The following GRID2 variants were observed in gnomAD, a reference collection of about 807,000 sequenced individuals.
The protein encoded by GRID2 is glutamate ionotropic receptor delta type subunit 2, also known as glutamate receptor ionotropic, delta-2.
In GRID2, 33 loss-of-function variants were observed where a neutral mutation model predicts 114.8. The ratio of observed to expected loss-of-function variants is 0.29; its 90% CI spans 0.22 to 0.38. The LOEUF is 0.38. Ranked by LOEUF, GRID2 falls within the 10% of genes least tolerant of loss-of-function variation. The probability of loss-of-function intolerance (pLI) is 1.00; values close to 1 mark genes in which losing one functional copy is unlikely to be tolerated. For missense variants in GRID2, 1,184 were observed against 1,257.7 expected (o/e 0.94, Z 0.89); for synonymous variants, 505 against 449.9 (o/e 1.12, Z -1.55).
intron 8 of GRID2, among the ~76,000 whole-genome samples, chr4:93,286,829 T>C (rs1753222809): frequency 6.6e-6 from 1 of 152,126 alleles, no homozygotes; most frequent in Non-Finnish European, 1.5e-5. Flanking sequence ...CTGAAAAAAT[T>C]ATTTTCCAAA....
At chr4:92,511,903 T>C (rs1724269849) in intron 1 of GRID2, among the ~76,000 whole-genome samples, 1 of 151,970 alleles carries the variant, frequency 6.6e-6, no homozygotes, top group Non-Finnish European at 1.5e-5. Context: ...ATCACTACCA[T>C]CCCTCTCTAG....
chr4:93,471,334 C>A (rs550294209), intron 11 of GRID2, among the ~76,000 whole-genome samples: 1 of 152,266 alleles, frequency 6.6e-6, no homozygotes, highest in Admixed American at 6.5e-5. Context: ...TAAACTGTCT[C>A]TTCATAAGAT....
intron 1 of GRID2, among the ~76,000 whole-genome samples, chr4:92,455,802 T>C (rs1001732680): frequency 6.6e-6 from 1 of 152,202 alleles, no homozygotes; most frequent in African/African-American, 2.4e-5. Context: ...CAGTGCCTAA[T>C]AAAGTTTAGG....
At chr4:93,272,798 T>A (rs1301329327) in intron 8 of GRID2, among the ~76,000 whole-genome samples, 1 of 152,150 alleles carries the variant, frequency 6.6e-6, no homozygotes, top group Non-Finnish European at 1.5e-5. Context: ...TGCAAAGGCA[T>A]GTTTTCTACT....
At chr4:92,424,729 C>G (rs1230640215) in intron 1 of GRID2, among the ~76,000 whole-genome samples, 5 of 148,666 alleles carry the variant, frequency 3.4e-5, no homozygotes, top group Admixed American at 2.0e-4. Flanking sequence ...GGCTTTTGAA[C>G]TGAAAAAAAA....
Position 92,910,079 on chromosome 4 carries a change from C to T in GRID2, c.245-174916C>T, listed in dbSNP as rs118027295. On this transcript the variant is annotated intron_variant, in intron 2 of 15. Transcript: ENST00000282020. The stretch of plus-strand genomic sequence containing the variant: ...TGGTGGTATGAAAATGAAGGCTGTA[C>T]TCAGTGTTTGGTGAGAAATTTAAAG... Among the ~76,000 whole-genome samples, 9 of 151,954 alleles carry T rather than the reference C, an allele frequency of 5.9e-5. No homozygotes were observed. In the East Asian group the frequency reaches 1.7e-3, roughly 30 times the overall value.
chr4:93,173,489 C>T (rs1023383291), intron 4 of GRID2, among the ~76,000 whole-genome samples: 2 of 151,996 alleles, frequency 1.3e-5, no homozygotes, highest in African/African-American at 4.8e-5. Flanking sequence ...AAAGGCAGAG[C>T]CCATGCTTAC....
intron 2 of GRID2, among the ~76,000 whole-genome samples, chr4:92,752,895 G>A (rs141544429): frequency 6.0e-4 from 91 of 152,166 alleles, no homozygotes; most frequent in African/African-American, 2.0e-3. Context: ...GCAAATTTAC[G>A]ACTTTCAAAG....
At chr4:93,380,140 C>A (rs2082553) in intron 8 of GRID2, among the ~76,000 whole-genome samples, 1 of 151,964 alleles carries the variant, frequency 6.6e-6, no homozygotes, top group African/African-American at 2.4e-5. Flanking sequence ...AAGATGAGAT[C>A]GTTATGGAAT....
At chr4:93,377,634 T>C (rs1325901037) in intron 8 of GRID2, among the ~76,000 whole-genome samples, 1 of 152,196 alleles carries the variant, frequency 6.6e-6, no homozygotes, top group Non-Finnish European at 1.5e-5. Flanking sequence ...TTTTACCCTC[T>C]TGTACCAAAT....
At chr4:92,399,194 C>T (rs1489305861) in intron 1 of GRID2, among the ~76,000 whole-genome samples, 1 of 152,100 alleles carries the variant, frequency 6.6e-6, no homozygotes, top group Admixed American at 6.6e-5. Flanking sequence ...TGCATCCTAC[C>T]GTAATACAGG....
At chr4:92,887,338 T>G (rs1713587448) in intron 2 of GRID2, among the ~76,000 whole-genome samples, 1 of 152,216 alleles carries the variant, frequency 6.6e-6, no homozygotes, top group Admixed American at 6.5e-5. Flanking sequence ...AAGCAGACAT[T>G]AGAAATTTGC....
chr4:92,809,785 C>G (rs747481642), intron 2 of GRID2, among the ~76,000 whole-genome samples: 1 of 151,928 alleles, frequency 6.6e-6, no homozygotes, highest in Non-Finnish European at 1.5e-5. Flanking sequence ...TATTACCTAC[C>G]AAACTCATGC....
At chr4:93,540,047 G>A (rs922685113) in intron 13 of GRID2, among the ~76,000 whole-genome samples, 2 of 151,858 alleles carry the variant, frequency 1.3e-5, no homozygotes, top group South Asian at 4.2e-4. Flanking sequence ...TATATTTAAA[G>A]CCTTCTGATT....
chr4:92,653,659 G>T (rs62309202), intron 2 of GRID2, among the ~76,000 whole-genome samples: 9,298 of 152,050 alleles, frequency 0.061, 366 homozygotes, highest in East Asian at 0.16. Context: ...AGGACCTATT[G>T]TATGCTGTAC....
intron 1 of GRID2, among the ~76,000 whole-genome samples, chr4:92,489,451 A>C (rs1352059435): frequency 6.6e-6 from 1 of 152,194 alleles, no homozygotes; most frequent in South Asian, 2.1e-4. Context: ...GTGCAGAGGA[A>C]TATTTCCATG....
chr4:93,209,979 CTT>C (rs1743262936), intron 5 of GRID2, among the ~76,000 whole-genome samples: 1 of 151,842 alleles, frequency 6.6e-6, no homozygotes, highest in Non-Finnish European at 1.5e-5. Context: ...GCTTAAGTTT[CTT>C]GTAGAACTTA....
chr4:93,187,341 A>G (rs1579231879), intron 4 of GRID2, among the ~76,000 whole-genome samples: 1 of 150,222 alleles, frequency 6.7e-6, no homozygotes, highest in Admixed American at 6.6e-5. Flanking sequence ...CAGTGGTGTG[A>G]TCTCGGCTCT....
At chr4:92,540,235 G>T (rs997141806) in intron 1 of GRID2, among the ~76,000 whole-genome samples, 5 of 152,284 alleles carry the variant, frequency 3.3e-5, no homozygotes, top group Admixed American at 6.5e-5. Context: ...CATAGGCATA[G>T]GCAAGGGCTT....
Sources: gnomAD v4.1 joint callset for allele counts (sites outside exome capture counted in the v4.1 genomes callset) on GRCh38, gnomAD v4.1.1 for gene constraint, MANE v1.5 for transcripts, NCBI Gene and HGNC (gene_info 2026-07-23, HGNC 2026-07-21) for gene names.